Variants in FAM131A observed in about 807,000 individuals in gnomAD.
FAM131A encodes the protein protein FAM131A.
A neutral mutation model predicts 39.2 loss-of-function variants in FAM131A; 24 were observed. That is an observed-to-expected ratio of 0.61 (90% CI 0.44 to 0.86). The LOEUF (loss-of-function observed/expected upper bound fraction) is 0.86. Ranked by LOEUF, FAM131A falls within the 40% of genes least tolerant of loss-of-function variation. The probability of loss-of-function intolerance (pLI) is 0.00; values close to 1 mark genes in which losing one functional copy is unlikely to be tolerated. For missense variants in FAM131A, 373 were observed against 481.2 expected, an observed-to-expected ratio of 0.78 and a Z score of 2.10; for synonymous variants, 202 against 206.8, an observed-to-expected ratio of 0.98 and a Z score of 0.20.
rs373032347 is a variant in FAM131A at position 184,341,963 on chromosome 3, A to G, written c.326-103A>G. 36 of 1,527,532 alleles carry G rather than the reference A, an allele frequency of 2.4e-5. No individual in the cohort carries two copies. The African/African-American group carries it at 4.7e-4, about 20-fold the overall frequency. The allele number at this position is 1,527,532 out of a possible 1,614,324, so 94.6% of individuals were successfully genotyped here. On this transcript the variant is annotated intron_variant, in intron 3 of 5. Transcript: ENST00000383847. The stretch of plus-strand genomic sequence containing the variant: ...GAATCTCAGCCCCTTCTCCCACCCA[A>G]AGGTTCACATGGATCCTAACTACTG...
At chr3:184,339,209 C>G (rs753468637) in intron 2 of FAM131A, 3 of 152,336 alleles carry the variant, frequency 2.0e-5, no homozygotes, top group Non-Finnish European at 4.4e-5. Context: ...CCTTGCCATC[C>G]TGAGCTCCCT....
At chr3:184,343,877 T>C (rs1448455218) in intron 5 of FAM131A, among the ~76,000 whole-genome samples, 1 of 152,226 alleles carries the variant, frequency 6.6e-6, no homozygotes, top group Admixed American at 6.5e-5. Context: ...GTGAGCAGAG[T>C]ATGGGTTAGA....
chr3:184,345,097 C>A lies in FAM131A; in HGVS notation c.*127C>A. On this transcript the variant is annotated 3_prime_UTR_variant, in exon 6 of 6. Coordinates refer to ENST00000383847, the MANE Select transcript of FAM131A (RefSeq NM_144635.5). ...CCTAGAGGGCTCCTGGGAGCGCTCG[C>A]TTCTCCGTTGTGTGTTTTGCATGAA... The A allele has an allele frequency of 1.1e-6, 1 of 894,488 alleles. No individual in the cohort carries two copies. Among genetic ancestry groups the A allele is most frequent in the Non-Finnish European group, 1.6e-6 (1 of 609,016 alleles). The allele number at this position is 894,488 out of a possible 1,614,324, so 55.4% of individuals were successfully genotyped here. A position where few individuals can be genotyped will look rare whatever the true frequency, so the allele number is the denominator to read the frequency against.
intron 1 of FAM131A, 125 bp from the exon 2 acceptor site, chr3:184,338,262 T>C (rs1577283709): frequency 9.7e-7 from 1 of 1,031,812 alleles, no homozygotes; most frequent in Non-Finnish European, 1.3e-6. Flanking sequence ...AGGAGAGCAC[T>C]CAGTGGGCGC....
In FAM131A at chr3:184,344,532, G is replaced by C; in HGVS notation, c.663G>C (p.Gln221His). The change falls in exon 6 of 6, where the codon CAG becomes CAC. Residue 221 changes from glutamine to histidine, a missense_variant. Gln to His is a conservative substitution (Grantham distance 24, BLOSUM62 0). Coordinates refer to ENST00000383847, the MANE Select transcript of FAM131A (RefSeq NM_144635.5). ...AGCTGCCCCTGGGGCCGCACCTCCA[G>C]GACCTGTTCACCGGCCACCGGTTCT... ...AGQLPLGPHL[Q>H]DLFTGHRFSR... The C allele has an allele frequency of 6.4e-7, 1 of 1,570,808 alleles. No individual in the cohort carries two copies. The highest frequency in any genetic ancestry group is 8.6e-7 in the Non-Finnish European group (1 of 1,156,804).
In FAM131A at chr3:184,342,171, C is replaced by G. The variant is rs769003578; in HGVS notation, c.431C>G (p.Ser144Ter). ...EWKGWSKPSD[S>*]PAALESAFSS... is the part of the protein sequence containing the mutation. ...AAGGGCTGGAGCAAGCCGAGTGACTCACCTGCTGCCCTGGAATCAGCCTTT... is the reference window on the plus strand; with the variant it reads ...AAGGGCTGGAGCAAGCCGAGTGACTGACCTGCTGCCCTGGAATCAGCCTTT... Residue 144 changes from serine to a stop codon, truncating the protein, a stop_gained, in exon 4 of 6, where the codon TCA becomes TGA. Coordinates refer to ENST00000383847, the MANE Select transcript of FAM131A (RefSeq NM_144635.5). LOFTEE classifies it high-confidence loss of function. The surrounding 1 kb of genome is among the most constrained non-coding windows in gnomAD (Gnocchi z 4.6). 6.2e-7 allele frequency: 1 copy of G among 1,614,264 alleles called. No homozygotes were observed. The highest frequency in any genetic ancestry group is 8.5e-7 in the Non-Finnish European group (1 of 1,180,048).
Position 184,338,432 on chromosome 3 carries a change from G to T in FAM131A, c.134G>T (p.Arg45Leu). Reference protein sequence around the residue: ...AWAVEWIELPRGLSLSSLGSA... With the variant: ...AWAVEWIELPLGLSLSSLGSA... ...GCTGTGGAGTGGATCGAACTTCCTC[G>T]GGGTCTCTCTCTATCCTCTTTGGGA... Residue 45 changes from arginine to leucine, a missense_variant, in exon 2 of 6, where the codon CGG (arginine) becomes CTG (leucine). Arg to Leu is a moderately radical substitution (Grantham distance 102). Around this residue, in one of 2 missense-constraint regions of FAM131A, gnomAD observed 221 missense variants for 347.7 expected, o/e 0.64. Transcript: ENST00000383847. 6.7e-7 allele frequency: 1 copy of T among 1,502,148 alleles called. No individual in the cohort carries two copies. The highest frequency in any genetic ancestry group is 1.3e-5 in the South Asian group (1 of 78,936). The allele number at this position is 1,502,148 out of a possible 1,614,324, so 93.1% of individuals were successfully genotyped here.
intron 2 of FAM131A, chr3:184,341,142 AT>A: frequency 6.2e-6 from 1 of 161,332 alleles, no homozygotes; most frequent in South Asian, 1.8e-4. Flanking sequence ...ATTAGGTCTT[AT>A]CAACAGATAT....
chr3:184,336,885 A>G (rs1218024572), upstream of FAM131A, among the ~76,000 whole-genome samples: 1 of 152,212 alleles, frequency 6.6e-6, no homozygotes, highest in Non-Finnish European at 1.5e-5. The surrounding 1 kb of genome is among the most constrained non-coding windows in gnomAD (Gnocchi z 5.5). Context: ...GCCTGGCCGT[A>G]GTCCTGTGCA....
upstream of FAM131A, among the ~76,000 whole-genome samples, chr3:184,336,699 C>A (rs1234249658): frequency 6.6e-6 from 1 of 152,236 alleles, no homozygotes; most frequent in African/African-American, 2.4e-5. The surrounding 1 kb of genome is among the most constrained non-coding windows in gnomAD (Gnocchi z 5.5). Context: ...CCTGTGAACA[C>A]TGAATCACCT....
rs571174963 is a variant in FAM131A, at chr3:184,342,805, C to T, written c.570C>T (p.Gly190=). The change falls in exon 5 of 6, where the codon GGC becomes GGT. Residue 190 remains glycine, a synonymous_variant. Coordinates refer to ENST00000383847, the MANE Select transcript of FAM131A (RefSeq NM_144635.5). This position sits in a 1 kb window ranked among gnomAD's most constrained non-coding sequence, Gnocchi z 4.6. The part of the protein sequence containing the change: ...AKLRAWSSVD[G]EDSTDDSYDE... ...TCCGAGCATGGTCTTCGGTGGATGG[C>T]GAGGACTCCACTGATGACTCCTATG... 56 of 1,613,962 alleles carry T rather than the reference C, an allele frequency of 3.5e-5. No homozygotes were observed. In the East Asian group the frequency reaches 1.0e-3, roughly 30 times the overall value.
At position 184,337,850 on chromosome 3, in the gene FAM131A, G is replaced by A. The variant is rs536297259; in HGVS notation, c.88+132G>A. On this transcript the variant is annotated intron_variant, in intron 1 of 5. Coordinates refer to ENST00000383847, the MANE Select transcript of FAM131A (RefSeq NM_144635.5). ...GCTGAAACAGGGAGAACCAGGCTGGGGCCAGACAGGGCATCAGGAAACGGC... is the reference window on the plus strand; with the variant it reads ...GCTGAAACAGGGAGAACCAGGCTGGAGCCAGACAGGGCATCAGGAAACGGC... 81 of 829,566 alleles carry A rather than the reference G, an allele frequency of 9.8e-5. No individual in the cohort carries two copies. The African/African-American group carries it at 1.2e-3, about 12-fold the overall frequency. 51.4% of individuals were successfully genotyped at this position (829,566 alleles called of 1,614,324 possible). A position where few individuals can be genotyped will look rare whatever the true frequency, so the allele number is the denominator to read the frequency against.
Position 184,345,300 on chromosome 3 carries a change from G to A in FAM131A, c.*330G>A, listed in dbSNP as rs368911249. On this transcript the variant is annotated 3_prime_UTR_variant, in exon 6 of 6. Coordinates refer to ENST00000383847, the MANE Select transcript of FAM131A (RefSeq NM_144635.5). ...CTCCTCGGATAATGTGAACCACTAA[G>A]GGGGTTGTGACTGGGCTGTGTGAGG... is the stretch of plus-strand genomic sequence containing the variant. 5.7e-5 allele frequency: 34 copies of A among 591,878 alleles called. No individual in the cohort carries two copies. Among genetic ancestry groups the A allele is most frequent in the Middle Eastern group, 4.4e-4 (1 of 2,264 alleles). 36.7% of individuals were successfully genotyped at this position (591,878 alleles called of 1,614,324 possible). A position where few individuals can be genotyped will look rare whatever the true frequency, so the allele number is the denominator to read the frequency against.
In FAM131A at chr3:184,343,218, T is replaced by C. The variant is rs560062653; in HGVS notation, c.625+358T>C. 4.1e-5 allele frequency: 7 copies of C among 170,172 alleles called. No homozygotes were observed. The South Asian group carries it at 1.3e-3, about 31-fold the overall frequency. The allele number at this position is 170,172 out of a possible 1,614,324, so 10.5% of individuals were successfully genotyped here. On this transcript the variant is annotated intron_variant, in intron 5 of 5. Coordinates refer to ENST00000383847, the MANE Select transcript of FAM131A (RefSeq NM_144635.5). ...TCTGCAGTGCCTTTGCCTCTTCCTC[T>C]CCGAGGCAGCCTTCTGGCTGGCTGT...
Position 184,342,913 on chromosome 3 carries a change from C to A in FAM131A, c.625+53C>A. ...GGTGGACCCACCTGATAGACCTTGG[C>A]ATTCTTTCAGAGCCACATCCAGAAC... On this transcript the variant is annotated intron_variant, in intron 5 of 5. Coordinates refer to ENST00000383847, the MANE Select transcript of FAM131A (RefSeq NM_144635.5). This position sits in a 1 kb window ranked among gnomAD's most constrained non-coding sequence, Gnocchi z 4.6. 1 of 1,476,786 alleles carries A rather than the reference C, an allele frequency of 6.8e-7. No individual in the cohort carries two copies. The highest frequency in any genetic ancestry group is 1.7e-5 in the Admixed American group (1 of 59,140). 91.5% of individuals were successfully genotyped at this position (1,476,786 alleles called of 1,614,324 possible).
At position 184,344,684 on chromosome 3, in the gene FAM131A, C is replaced by G; in HGVS notation, c.815C>G (p.Ala272Gly). 1.1e-5 allele frequency: 17 copies of G among 1,612,436 alleles called. No individual in the cohort carries two copies. Among genetic ancestry groups the G allele is most frequent in the Non-Finnish European group, 1.4e-5 (17 of 1,179,818 alleles). The change falls in exon 6 of 6, where the codon GCC becomes GGC. Residue 272 changes from alanine to glycine, a missense_variant. Ala to Gly is a moderately conservative substitution (Grantham distance 60, BLOSUM62 0). This residue lies in a region of FAM131A where 152 missense variants were observed against 133.5 expected (regional missense o/e 1.14). Transcript: ENST00000383847. ...DGLLGSPARLASQLLGDELLL... is the reference protein window; with the variant it reads ...DGLLGSPARLGSQLLGDELLL... ...TTGTTGGGCTCCCCGGCCCGGCTGGCCTCCCAGCTGCTGGGCGATGAGCTG... is the reference window on the plus strand; with the variant it reads ...TTGTTGGGCTCCCCGGCCCGGCTGGGCTCCCAGCTGCTGGGCGATGAGCTG...
At position 184,345,627 on chromosome 3, in the gene FAM131A, AATGATGAAAGC is replaced by A. The variant is rs1259631244; in HGVS notation, c.*661_*671del. ...TCTTCTCTTCTCTGGGAGGCTTTGG[AATGATGAAAGC>A]ATGTACCCTCCACCCTTTTCCTGGC... On this transcript the variant is annotated 3_prime_UTR_variant, in exon 6 of 6. Transcript: ENST00000383847. 8 of 701,216 alleles carry A rather than the reference AATGATGAAAGC, an allele frequency of 1.1e-5. No individual in the cohort carries two copies. The African/African-American group carries it at 1.4e-4, about 12-fold the overall frequency. The allele number at this position is 701,216 out of a possible 1,614,324, so 43.4% of individuals were successfully genotyped here.
At position 184,345,408 on chromosome 3, in the gene FAM131A, G is replaced by A. The variant is rs1426413173; in HGVS notation, c.*438G>A. On this transcript the variant is annotated 3_prime_UTR_variant, in exon 6 of 6. Coordinates refer to ENST00000383847, the MANE Select transcript of FAM131A (RefSeq NM_144635.5). ...CTTTTCTTCTCACTTCCGAGTCCATGTGCAGTGCTTGATAGAATCACCCCC... is the reference window on the plus strand; with the variant it reads ...CTTTTCTTCTCACTTCCGAGTCCATATGCAGTGCTTGATAGAATCACCCCC... The A allele has an allele frequency of 1.5e-6, 1 of 654,512 alleles. No homozygotes were observed. Among genetic ancestry groups the A allele is most frequent in the East Asian group, 2.7e-5 (1 of 36,834 alleles). The allele number at this position is 654,512 out of a possible 1,614,324, so 40.5% of individuals were successfully genotyped here.
chr3:184,343,921 G>T (rs1340036056), intron 5 of FAM131A, among the ~76,000 whole-genome samples: 6 of 152,234 alleles, frequency 3.9e-5, no homozygotes, highest in Non-Finnish European at 8.8e-5. Flanking sequence ...GACAGGCCCT[G>T]TTGTGCGATG....
Sources: gnomAD v4.1 joint callset for allele counts (sites outside exome capture counted in the v4.1 genomes callset) on GRCh38, gnomAD v4.1.1 for gene constraint, gnomAD v4.1.1 regional missense constraint, Gnocchi (gnomAD v3.1) non-coding constraint, MANE v1.5 for transcripts, NCBI Gene and HGNC (gene_info 2026-07-23, HGNC 2026-07-21) for gene names.